Variants in MAP3K20 observed in about 807,000 individuals in gnomAD.
MAP3K20 encodes mitogen-activated protein kinase kinase kinase 20.
MAP3K20 carries 40 observed loss-of-function variants against 85.7 expected under a neutral mutation model. That is an observed-to-expected ratio of 0.47 (90% CI 0.36 to 0.61). The LOEUF (loss-of-function observed/expected upper bound fraction) is 0.61. MAP3K20 is among the 20% of genes least tolerant of loss of function. The pLI is 0.00. For synonymous variants in MAP3K20, 325 were observed against 327.7 expected, an observed-to-expected ratio of 0.99 and a Z score of 0.09; for missense variants, 817 against 961.7, an observed-to-expected ratio of 0.85 and a Z score of 1.99.
intron 2 of MAP3K20, among the ~76,000 whole-genome samples, chr2:173,153,903 T>C (rs1689377504): frequency 6.6e-6 from 1 of 152,238 alleles, no homozygotes; most frequent in Non-Finnish European, 1.5e-5. Flanking sequence ...GTATTGTTAT[T>C]TTTAAATTTT....
chr2:173,123,969 TC>T (rs1382443997), intron 2 of MAP3K20, among the ~76,000 whole-genome samples: 1 of 152,214 alleles, frequency 6.6e-6, no homozygotes, highest in Admixed American at 6.5e-5. Flanking sequence ...TTTATATTCA[TC>T]ATTACTGCCA....
At chr2:173,251,398 T>A (rs62174363) in intron 16 of MAP3K20, among the ~76,000 whole-genome samples, 4,095 of 152,280 alleles carry the variant, frequency 0.027, 60 homozygotes, top group Non-Finnish European at 0.042. Flanking sequence ...TGGACTTGAA[T>A]TCTTATCCTA....
chr2:173,192,781 G>A (rs116781897), intron 7 of MAP3K20, among the ~76,000 whole-genome samples: 178 of 152,176 alleles, frequency 1.2e-3, no homozygotes, highest in African/African-American at 3.9e-3. Context: ...ATAACCAAAC[G>A]TTTATTTACT....
intron 19 of MAP3K20, among the ~76,000 whole-genome samples, chr2:173,265,064 A>G (rs530437666): frequency 1.2e-4 from 18 of 152,370 alleles, no homozygotes; most frequent in African/African-American, 4.1e-4. Context: ...AGAAGAAGGC[A>G]TTGTGATGGA....
intron 3 of MAP3K20, 81 bp downstream of exon 3, chr2:173,169,973 A>C: frequency 7.7e-7 from 1 of 1,299,144 alleles, no homozygotes. Context: ...GCTTAATATT[A>C]GGCTCAGTTA....
intron 2 of MAP3K20, among the ~76,000 whole-genome samples, chr2:173,135,544 T>TA (rs1281799433): frequency 2.6e-5 from 4 of 152,232 alleles, no homozygotes; most frequent in African/African-American, 9.7e-5. Context: ...CCAGAAAAGT[T>TA]AATGTGATTT....
chr2:173,188,912 T>C (rs1007825630), intron 5 of MAP3K20, among the ~76,000 whole-genome samples: 8 of 152,348 alleles, frequency 5.3e-5, no homozygotes, highest in Admixed American at 5.2e-4. Flanking sequence ...ACTATGTTAT[T>C]TGACTTCAGT....
At chr2:173,204,709 T>C (rs1683608571) in intron 9 of MAP3K20, among the ~76,000 whole-genome samples, 1 of 152,230 alleles carries the variant, frequency 6.6e-6, no homozygotes, top group Non-Finnish European at 1.5e-5. Flanking sequence ...TTAAAATGGA[T>C]TGGCCATGAT....
At chr2:173,187,237 A>G (rs1364796330) in intron 4 of MAP3K20, among the ~76,000 whole-genome samples, 2 of 152,240 alleles carry the variant, frequency 1.3e-5, no homozygotes, top group East Asian at 3.8e-4. Context: ...GGAATACCTT[A>G]GTCGTGGAGC....
intron 7 of MAP3K20, among the ~76,000 whole-genome samples, chr2:173,192,065 C>CATACTGCCCTGCTATTTATACTATT (rs3835826): frequency 6.9e-6 from 1 of 144,966 alleles, no homozygotes; most frequent in Non-Finnish European, 1.6e-5. Context: ...CTTTACATCT[C>CATACTGCCCTGCTATTTATACTATT]ATACTGCCCT....
chr2:173,182,736 T>C, intron 3 of MAP3K20, 118 bp from the exon 4 acceptor site: 2 of 712,686 alleles, frequency 2.8e-6, no homozygotes, highest in Non-Finnish European at 4.2e-6. Context: ...CAATTTTTTA[T>C]ATATTTTTGA....
At chr2:173,085,041 G>T (rs1687108885) in intron 1 of MAP3K20, among the ~76,000 whole-genome samples, 1 of 152,150 alleles carries the variant, frequency 6.6e-6, no homozygotes, top group African/African-American at 2.4e-5. Flanking sequence ...TGATAACTTT[G>T]GGGCTATCAG....
intron 11 of MAP3K20, chr2:173,224,403 A>T (rs1684331466): frequency 1.0e-6 from 1 of 985,296 alleles, no homozygotes; most frequent in African/African-American, 1.7e-5. Flanking sequence ...CCATATGATT[A>T]TACATAAAGT....
chr2:173,078,965 C>T (rs1462939442), intron 1 of MAP3K20, among the ~76,000 whole-genome samples: 1 of 152,132 alleles, frequency 6.6e-6, no homozygotes, highest in Non-Finnish European at 1.5e-5. Context: ...TTTTCTCACT[C>T]ATGTAAGTTA....
intron 11 of MAP3K20, chr2:173,222,828 A>C: frequency 1.0e-6 from 1 of 985,416 alleles, no homozygotes; most frequent in Non-Finnish European, 1.2e-6. Context: ...CTGGCTAGCC[A>C]AGGATATTCT....
intron 7 of MAP3K20, among the ~76,000 whole-genome samples, chr2:173,193,410 A>C (rs1344173613): frequency 6.6e-6 from 1 of 152,030 alleles, no homozygotes; most frequent in Non-Finnish European, 1.5e-5. Flanking sequence ...CTATACATAC[A>C]TTGAACTTTT....
intron 1 of MAP3K20, among the ~76,000 whole-genome samples, chr2:173,079,652 TA>T (rs1421384766): frequency 3.7e-5 from 5 of 136,476 alleles, no homozygotes; most frequent in African/African-American, 6.1e-5. Flanking sequence ...TTTTTAAATT[TA>T]AAAAAAAATT....
At chr2:173,146,527 A>T (rs1355765267) in intron 2 of MAP3K20, among the ~76,000 whole-genome samples, 1 of 152,132 alleles carries the variant, frequency 6.6e-6, no homozygotes, top group East Asian at 1.9e-4. Context: ...ATCACCTCCA[A>T]AAGAAATCCA....
chr2:173,187,468 G>C, intron 4 of MAP3K20, 90 bp from the exon 5 acceptor site: 1 of 1,057,754 alleles, frequency 9.5e-7, no homozygotes, highest in Non-Finnish European at 1.4e-6. Context: ...ATTAGTTTCT[G>C]CTCTTGAGTT....
Sources: allele counts gnomAD v4.1 joint callset (sites outside exome capture counted in the v4.1 genomes callset), GRCh38; gene constraint gnomAD v4.1.1; transcripts MANE v1.5; gene names NCBI Gene and HGNC (gene_info 2026-07-23, HGNC 2026-07-21).